The following MYO18B variants were observed in gnomAD, a reference collection of about 807,000 sequenced individuals.
The protein encoded by MYO18B is myosin XVIIIB.
A neutral mutation model predicts 273.0 loss-of-function variants in MYO18B; 204 were observed. The ratio of observed to expected loss-of-function variants is 0.75; its 90% CI spans 0.67 to 0.84. The LOEUF is 0.84. Among genes scored for constraint, MYO18B ranks in the 40% least tolerant of loss-of-function variants. The pLI is 0.00. For missense variants in MYO18B, 3,212 were observed against 3,287.6 expected (o/e 0.98, Z 0.56); for synonymous variants, 1,330 against 1,305.7 (o/e 1.02, Z -0.40).
intron 41 of MYO18B, 85 bp downstream of exon 41, chr22:26,003,394 G>T (rs1934154791): frequency 3.3e-6 from 4 of 1,199,372 alleles, no homozygotes; most frequent in Non-Finnish European, 4.8e-6. Context: ...GAACATCCAT[G>T]TCCACTTGGA....
In MYO18B at chr22:26,010,710, C is replaced by G. The variant is rs369338977; in HGVS notation, c.6470+5855C>G. The stretch of plus-strand genomic sequence containing the variant: ...GAGCAGGCCAGGTAATGCTGCTGTG[C>G]CAAAGGCATGGATGCTGACAGGCAG... On this transcript the variant is annotated intron_variant, in intron 42 of 43. Transcript: ENST00000335473. Among the ~76,000 whole-genome samples, 15 of 152,206 alleles carry G rather than the reference C, an allele frequency of 9.9e-5. No homozygotes were observed. In the East Asian group the frequency reaches 2.9e-3, roughly 29 times the overall value.
intron 9 of MYO18B, among the ~76,000 whole-genome samples, chr22:25,781,367 T>C (rs1331688755): frequency 1.3e-5 from 2 of 151,876 alleles, no homozygotes; most frequent in Non-Finnish European, 2.9e-5. Context: ...CCCAGCACTT[T>C]GGGAGGCTGA....
chr22:25,941,240 C>A (rs2092640384), intron 34 of MYO18B, among the ~76,000 whole-genome samples: 1 of 152,188 alleles, frequency 6.6e-6, no homozygotes, highest in Non-Finnish European at 1.5e-5. Flanking sequence ...GGACCTTCAT[C>A]TCACCCTAAA....
chr22:25,991,302 G>A (rs1007808967), intron 39 of MYO18B, among the ~76,000 whole-genome samples: 2 of 152,144 alleles, frequency 1.3e-5, no homozygotes, highest in Non-Finnish European at 2.9e-5. Context: ...CTCACCCAGG[G>A]TTTCAGACTC....
chr22:25,994,997 G>A (rs973456862), intron 40 of MYO18B, among the ~76,000 whole-genome samples: 1 of 152,158 alleles, frequency 6.6e-6, no homozygotes, highest in African/African-American at 2.4e-5. Flanking sequence ...TTGAAGGGTG[G>A]GTGACAGGCT....
chr22:25,993,705 T>C (rs5761343), intron 40 of MYO18B, among the ~76,000 whole-genome samples: 93,903 of 151,990 alleles, frequency 0.62, 30,739 homozygotes, highest in African/African-American at 0.81. Context: ...GAGGCAGGGG[T>C]AGCTGCTGAC....
At chr22:25,930,715 C>T (rs776349945) in intron 34 of MYO18B, among the ~76,000 whole-genome samples, 3 of 152,008 alleles carry the variant, frequency 2.0e-5, no homozygotes, top group Admixed American at 6.5e-5. Flanking sequence ...CTCAAGTGAT[C>T]CACCCGCCTT....
In MYO18B at chr22:25,903,835, G is replaced by C. The variant is rs896022715; in HGVS notation, c.5148+4G>C. The C allele has an allele frequency of 9.6e-5, 153 of 1,591,750 alleles. No individual in the cohort carries two copies. The highest frequency in any genetic ancestry group is 1.2e-4 in the Non-Finnish European group (145 of 1,169,716). On this transcript the variant is annotated splice_donor_region_variant and intron_variant, in intron 31 of 43. Transcript: ENST00000335473. Reference sequence around the variant, plus strand: ...CACCATCAAGCAGCTGGAGCAGGTAGGAAAGCCCTGTCTCAGGGCAACACC... The same window carrying C: ...CACCATCAAGCAGCTGGAGCAGGTACGAAAGCCCTGTCTCAGGGCAACACC...
intron 33 of MYO18B, among the ~76,000 whole-genome samples, chr22:25,917,969 AAAAGT>A (rs1293116068): frequency 1.3e-4 from 20 of 152,326 alleles, no homozygotes; most frequent in Non-Finnish European, 2.6e-4. Context: ...TGAGGCTCGG[AAAAGT>A]AAAGTAAAGC....
intron 31 of MYO18B, among the ~76,000 whole-genome samples, chr22:25,906,771 A>G (rs1033370882): frequency 2.0e-5 from 3 of 152,196 alleles, no homozygotes; most frequent in East Asian, 1.9e-4. Flanking sequence ...CAAGTCTTAC[A>G]TGGTGGCTGG....
intron 31 of MYO18B, among the ~76,000 whole-genome samples, chr22:25,905,913 T>C (rs2092033461): frequency 6.6e-6 from 1 of 152,200 alleles, no homozygotes; most frequent in South Asian, 2.1e-4. Flanking sequence ...GTTCCTTAAA[T>C]GAGCAGGATC....
chr22:25,891,021 C>G, intron 26 of MYO18B, 146 bp downstream of exon 26: 1 of 1,231,828 alleles, frequency 8.1e-7, no homozygotes. Flanking sequence ...CTGGGGGACA[C>G]TTAGGTCTCC....
Position 25,846,155 on chromosome 22 carries a change from G to C in MYO18B, c.3424G>C (p.Ala1142Pro), listed in dbSNP as rs756405222. The C allele has an allele frequency of 2.2e-5, 36 of 1,608,794 alleles. 1 individual carries two copies. In the South Asian group the frequency reaches 3.8e-4, roughly 17 times the overall value. The part of the protein sequence containing the change: ...ARAKLPPVCR[A>P]VAGLEGTSQQ... ...GGCCAAGCTGCCTCCTGTGTGCCGG[G>C]CTGTGGCAGGCCTGGAGGGCACCTC... The change falls in exon 19 of 44, where the codon GCT (alanine) becomes CCT (proline). Residue 1142 changes from alanine (A) to proline (P), a missense_variant. Coordinates refer to ENST00000335473, the MANE Select transcript of MYO18B (RefSeq NM_032608.7).
chr22:25,892,702 T>A (rs1601492773), intron 27 of MYO18B: 2 of 152,356 alleles, frequency 1.3e-5, no homozygotes, highest in African/African-American at 4.8e-5. Flanking sequence ...TTATCCTGGC[T>A]ACCCCCGTGG....
chr22:25,760,447 T>C (rs1442382229), intron 1 of MYO18B, among the ~76,000 whole-genome samples: 1 of 103,546 alleles, frequency 9.7e-6, no homozygotes, highest in South Asian at 3.6e-4. Flanking sequence ...CAAAAACAAA[T>C]AATAGTGGTT....
At chr22:25,937,709 C>T (rs533137670) in intron 34 of MYO18B, among the ~76,000 whole-genome samples, 7 of 152,082 alleles carry the variant, frequency 4.6e-5, no homozygotes, top group African/African-American at 1.7e-4. Context: ...CCTCAGCCTC[C>T]CGAGTAGCTG....
chr22:25,901,783 A>AT (rs2091940559), intron 29 of MYO18B, among the ~76,000 whole-genome samples: 1 of 150,360 alleles, frequency 6.7e-6, no homozygotes, highest in Non-Finnish European at 1.5e-5. Context: ...CTGGCAGACC[A>AT]GATAGATCAG....
chr22:25,882,866 G>C (rs995501157), intron 25 of MYO18B, among the ~76,000 whole-genome samples: 3 of 151,898 alleles, frequency 2.0e-5, no homozygotes, highest in Non-Finnish European at 4.4e-5. Flanking sequence ...ATATTCATGA[G>C]GTCATTACTC....
intron 1 of MYO18B, among the ~76,000 whole-genome samples, chr22:25,747,738 C>G (rs1308447451): frequency 6.6e-6 from 1 of 152,220 alleles, no homozygotes; most frequent in African/African-American, 2.4e-5. Flanking sequence ...AGATTTTAAT[C>G]TGCCTGGGAC....
Sources: allele counts gnomAD v4.1 joint callset (sites outside exome capture counted in the v4.1 genomes callset), GRCh38; gene constraint gnomAD v4.1.1; transcripts MANE v1.5; gene names NCBI Gene and HGNC (gene_info 2026-07-23, HGNC 2026-07-21).